CCSER1: variants seen among roughly 807,000 people sequenced by gnomAD.
CCSER1 encodes coiled-coil serine rich protein 1.
A neutral mutation model predicts 82.0 loss-of-function variants in CCSER1; 41 were observed. The ratio of observed to expected loss-of-function variants is 0.50; its 90% CI spans 0.39 to 0.65. The LOEUF (loss-of-function observed/expected upper bound fraction) is 0.65. CCSER1 is among the 30% of genes least tolerant of loss of function. The pLI is 0.00. For synonymous variants in CCSER1, 414 were observed against 383.9 expected, an observed-to-expected ratio of 1.08 and a Z score of -0.92; for missense variants, 1,119 against 1,064.2, an observed-to-expected ratio of 1.05 and a Z score of -0.72.
intron 10 of CCSER1, among the ~76,000 whole-genome samples, chr4:91,230,465 T>A (rs1006327283): frequency 1.1e-4 from 17 of 152,134 alleles, no homozygotes; most frequent in Non-Finnish European, 1.9e-4. Context: ...TAAAAACAAG[T>A]GTATGATGAG....
rs140982350 is a variant in CCSER1 at position 90,614,757 on chromosome 4, G to T, written c.1725-13268G>T. Among the ~76,000 whole-genome samples, 1,193 of 152,308 alleles carry T rather than the reference G, an allele frequency of 7.8e-3. 18 individuals carry two copies. The highest frequency in any genetic ancestry group is 0.026 in the African/African-American group (1,095 of 41,550). On this transcript the variant is annotated intron_variant, in intron 5 of 10. Transcript: ENST00000509176. ...GAAGCTATCTCCATAAAATAAAAGT[G>T]TAAGGTAAAGCAGCAAGCACTAATG...
At chr4:91,195,454 G>C (rs893965429) in intron 10 of CCSER1, among the ~76,000 whole-genome samples, 1 of 152,128 alleles carries the variant, frequency 6.6e-6, no homozygotes, top group South Asian at 2.1e-4. Context: ...CTAACTTAAT[G>C]GGAAATTTTG....
At chr4:90,750,340 G>T (rs549394117) in intron 7 of CCSER1, among the ~76,000 whole-genome samples, 3 of 152,212 alleles carry the variant, frequency 2.0e-5, no homozygotes, top group Non-Finnish European at 4.4e-5. Flanking sequence ...CTCCTAGTCT[G>T]CTAGGGACGG....
At chr4:90,402,221 G>T (rs889123591) in intron 4 of CCSER1, among the ~76,000 whole-genome samples, 4 of 152,186 alleles carry the variant, frequency 2.6e-5, no homozygotes, top group Non-Finnish European at 5.9e-5. Context: ...AATAGGAGGA[G>T]TTGGAGTTGT....
intron 6 of CCSER1, among the ~76,000 whole-genome samples, chr4:90,644,401 A>G (rs1727112532): frequency 1.3e-5 from 2 of 152,262 alleles, no homozygotes; most frequent in African/African-American, 4.8e-5. Flanking sequence ...GCACTCAAAA[A>G]GTTGTAGATT....
At chr4:90,731,999 G>A (rs1366294578) in intron 7 of CCSER1, among the ~76,000 whole-genome samples, 1 of 145,676 alleles carries the variant, frequency 6.9e-6, no homozygotes, top group African/African-American at 2.6e-5. Flanking sequence ...GTCTGGTGTT[G>A]CACTGAAAAC....
rs182088514 is a variant in CCSER1, at chr4:90,726,329, A to G, written c.2010+2338A>G. On this transcript the variant is annotated intron_variant, in intron 7 of 10. Coordinates refer to ENST00000509176, the MANE Select transcript of CCSER1 (RefSeq NM_001145065.2). ...AAGACAAATGGTAAATTATTTTTAT[A>G]AAAAATAAATACAAATACTTTCCCA... Among the ~76,000 whole-genome samples the G allele has an allele frequency of 1.1e-4, 17 of 152,114 alleles. No homozygotes were observed. The East Asian group carries it at 1.7e-3, about 16-fold the overall frequency.
rs915556710 is a variant in CCSER1, at chr4:90,155,318, A to G, written c.-42+27487A>G. ...GAGGATTTTTGCATCAATGTTCATC[A>G]AGGATATTGGTCTAAAATTGTCTTT... is the stretch of plus-strand genomic sequence containing the variant. On this transcript the variant is annotated intron_variant, in intron 1 of 10. Coordinates refer to ENST00000509176, the MANE Select transcript of CCSER1 (RefSeq NM_001145065.2). Among the ~76,000 whole-genome samples the G allele has an allele frequency of 5.8e-3, 888 of 152,150 alleles. 14 individuals carry two copies. The highest frequency in any genetic ancestry group is 0.02 in the African/African-American group (834 of 41,488).
At chr4:90,320,743 T>C (rs1268058613) in intron 3 of CCSER1, among the ~76,000 whole-genome samples, 1 of 152,270 alleles carries the variant, frequency 6.6e-6, no homozygotes, top group South Asian at 2.1e-4. Flanking sequence ...TTCATTTTTG[T>C]CTTTCTGAAC....
In CCSER1 at chr4:90,779,970, A is replaced by G. The variant is rs575082374; in HGVS notation, c.2011-35792A>G. Among the ~76,000 whole-genome samples the G allele has an allele frequency of 3.3e-5, 5 of 152,328 alleles. No individual in the cohort carries two copies. In the South Asian group the frequency reaches 1.0e-3, roughly 32 times the overall value. The stretch of plus-strand genomic sequence containing the variant: ...ATGTGGGCCTTTGATGATTTAAATT[A>G]TTCTTTAAATAATTCTTGTGCTGCT... On this transcript the variant is annotated intron_variant, in intron 7 of 10. Transcript: ENST00000509176.
chr4:90,626,177 G>A (rs928406151), intron 5 of CCSER1, among the ~76,000 whole-genome samples: 1 of 152,136 alleles, frequency 6.6e-6, no homozygotes, highest in East Asian at 1.9e-4. Context: ...ATGCGTCGAT[G>A]ATTACAACAA....
intron 4 of CCSER1, among the ~76,000 whole-genome samples, chr4:90,405,392 G>C (rs929941456): frequency 6.6e-6 from 1 of 152,154 alleles, no homozygotes; most frequent in East Asian, 1.9e-4. Context: ...TGAATAATTG[G>C]TGTTCCTGGG....
At chr4:91,540,701 A>G (rs147426586) in intron 10 of CCSER1, among the ~76,000 whole-genome samples, 2,009 of 152,232 alleles carry the variant, frequency 0.013, 31 homozygotes, top group African/African-American at 0.044. Flanking sequence ...TCTCTGATGC[A>G]TTTTGAGTTG....
At chr4:90,800,405 A>AT (rs1289809426) in intron 7 of CCSER1, among the ~76,000 whole-genome samples, 3 of 151,866 alleles carry the variant, frequency 2.0e-5, no homozygotes, top group African/African-American at 4.8e-5. Flanking sequence ...CTAGCTTTTT[A>AT]TTTTTTATTT....
intron 4 of CCSER1, among the ~76,000 whole-genome samples, chr4:90,448,470 TA>T (rs1301158978): frequency 3.8e-5 from 5 of 132,656 alleles, no homozygotes; most frequent in African/African-American, 1.6e-4. Flanking sequence ...TATATATATA[TA>T]TATATATATA....
chr4:90,483,288 C>T (rs1329617849), intron 5 of CCSER1, among the ~76,000 whole-genome samples: 4 of 152,190 alleles, frequency 2.6e-5, no homozygotes, highest in Non-Finnish European at 4.4e-5. Flanking sequence ...GATGGGTCTC[C>T]TGAATACAGC....
At chr4:90,886,428 C>T (rs1256414634) in intron 8 of CCSER1, among the ~76,000 whole-genome samples, 1 of 152,172 alleles carries the variant, frequency 6.6e-6, no homozygotes, top group Admixed American at 6.5e-5. Flanking sequence ...CCCAGAAATG[C>T]CTGTCACTGT....
chr4:91,152,465 A>C (rs758420000), intron 10 of CCSER1, among the ~76,000 whole-genome samples: 2 of 151,942 alleles, frequency 1.3e-5, no homozygotes, highest in Non-Finnish European at 2.9e-5. Flanking sequence ...GTTTATCTTT[A>C]TCTTTCTCTT....
At chr4:90,913,890 A>T (rs906357308) in intron 8 of CCSER1, among the ~76,000 whole-genome samples, 2 of 152,180 alleles carry the variant, frequency 1.3e-5, no homozygotes, top group Non-Finnish European at 2.9e-5. Context: ...ATCAAAAGAG[A>T]CAAAGAAGGC....
Sources: allele counts gnomAD v4.1 joint callset (sites outside exome capture counted in the v4.1 genomes callset), GRCh38; gene constraint gnomAD v4.1.1; transcripts MANE v1.5; gene names NCBI Gene and HGNC (gene_info 2026-07-23, HGNC 2026-07-21).